USP36: variants seen among roughly 807,000 people sequenced by gnomAD.
USP36 encodes the protein ubiquitin specific peptidase 36, also known as ubiquitin carboxyl-terminal hydrolase 36.
USP36 carries 59 observed loss-of-function variants against 111.5 expected under a neutral mutation model. The observed-to-expected ratio is 0.53, with a 90% CI of 0.43 to 0.66. The LOEUF is 0.66. USP36 is among the 30% of genes least tolerant of loss of function. USP36 has a pLI of 0.00. For synonymous variants in USP36, 628 were observed against 581.0 expected (o/e 1.08, Z -1.16); for missense variants, 1,488 against 1,468.0 (o/e 1.01, Z -0.22).
chr17:78,790,354 G>A (rs909161014), intron 3 of USP36, among the ~76,000 whole-genome samples: 27 of 152,126 alleles, frequency 1.8e-4, no homozygotes, highest in African/African-American at 5.1e-4. Context: ...ACAATGGCGC[G>A]GTCTCAGCTC....
rs757604489 is a variant in USP36 at position 78,798,560 on chromosome 17, A to G, written c.3241-9T>C. ...TTTTTAATTTTCTTTTCCTAGACCA[A>G]GAATCACAGGCATCACAGTTCCCAA... On this transcript the variant is annotated splice_polypyrimidine_tract_variant and intron_variant, in intron 19 of 20. Transcript: ENST00000449938. The surrounding 1 kb of genome is among the most constrained non-coding windows in gnomAD (Gnocchi z 5.1). 22 of 1,612,294 alleles carry G rather than the reference A, an allele frequency of 1.4e-5. No individual in the cohort carries two copies. The highest frequency in any genetic ancestry group is 1.9e-5 in the Non-Finnish European group (22 of 1,179,970).
In USP36 at chr17:78,835,485, A is replaced by G; in HGVS notation, c.270T>C (p.Tyr90=). 1 of 1,604,496 alleles carries G rather than the reference A, an allele frequency of 6.2e-7. No homozygotes were observed. Among genetic ancestry groups the G allele is most frequent in the Non-Finnish European group, 8.5e-7 (1 of 1,174,836 alleles). Residue 90 remains tyrosine, a synonymous_variant, in exon 4 of 21, where the codon TAT becomes TAC. Coordinates refer to ENST00000449938, the MANE Select transcript of USP36 (RefSeq NM_001385174.1). ...CTGGGACTCCGTCACCACAGCTCTCATACGTGTGCTCACTGCCTGAGGAAG... is the reference window on the plus strand; with the variant it reads ...CTGGGACTCCGTCACCACAGCTCTCGTACGTGTGCTCACTGCCTGAGGAAG... The part of the protein sequence containing the change: ...PARRQGSEHT[Y]ESCGDGVPAP...
chr17:78,807,694 C>A, intron 13 of USP36, 58 bp from the exon 14 acceptor site: 2 of 1,478,624 alleles, frequency 1.4e-6, no homozygotes, highest in Non-Finnish European at 1.8e-6. Context: ...AGCTGGGCCA[C>A]ATCTTCTTAA....
In USP36 at chr17:78,799,753, G is replaced by C. The variant is rs2093694070; in HGVS notation, c.3038C>G (p.Pro1013Arg). 1.2e-6 allele frequency: 2 copies of C among 1,608,204 alleles called. No homozygotes were observed. The highest frequency in any genetic ancestry group is 1.3e-5 in the African/African-American group (1 of 74,690). The change falls in exon 18 of 21, where the codon CCT (proline) becomes CGT (arginine). Residue 1013 changes from proline to arginine, a missense_variant. Pro to Arg is a moderately radical substitution (Grantham distance 103). Transcript: ENST00000449938. Reference protein sequence around the residue: ...PGDRMGLSQAPPVSWNGERES... With the variant: ...PGDRMGLSQARPVSWNGERES... ...CCGCTCTCCATTCCAAGACACAGGA[G>C]GGGCCTGGCTCAGCCCTGCAATCGG...
At chr17:78,819,215 C>T (rs1007275856) in intron 9 of USP36, 2 of 174,998 alleles carry the variant, frequency 1.1e-5, no homozygotes, top group South Asian at 2.4e-4. Flanking sequence ...CTGCAGGAAA[C>T]AGACCTAAAG....
chr17:78,828,276 G>GT (rs1382106961), intron 5 of USP36, among the ~76,000 whole-genome samples: 2 of 152,204 alleles, frequency 1.3e-5, no homozygotes, highest in African/African-American at 4.8e-5. Context: ...ACACAGGTGA[G>GT]TAAGTATTTC....
Position 78,835,334 on chromosome 17 carries a change from T to A in USP36, c.421A>T (p.Thr141Ser). The part of the protein sequence containing the change: ...CFLNATIQCL[T>S]YTPPLANYLL... ...TAGTTGGCTAGAGGTGGTGTGTAGG[T>A]CAAGCACTGGATGGTGGCATTGAGA... is the stretch of plus-strand genomic sequence containing the variant. The change falls in exon 4 of 21, where the codon ACC becomes TCC. Residue 141 changes from threonine (T) to serine (S), a missense_variant. Thr to Ser is a moderately conservative substitution (Grantham distance 58). Transcript: ENST00000449938. 6.2e-7 allele frequency: 1 copy of A among 1,614,104 alleles called. No homozygotes were observed. The highest frequency in any genetic ancestry group is 8.5e-7 in the Non-Finnish European group (1 of 1,180,012).
chr17:78,801,189 G>C (rs1229468401), intron 17 of USP36, among the ~76,000 whole-genome samples: 1 of 151,966 alleles, frequency 6.6e-6, no homozygotes, highest in East Asian at 1.9e-4. Flanking sequence ...TGTCAGCCAG[G>C]ATGGTCTCGA....
rs995961402 is a variant in USP36 at position 78,835,559 on chromosome 17, G to A, written c.254-58C>T. The stretch of plus-strand genomic sequence containing the variant: ...GAAGACGTAAGTCCACACACAGGTC[G>A]TCCACAAAAAGAAACTCCTGAAGCA... On this transcript the variant is annotated intron_variant, in intron 3 of 20. Coordinates refer to ENST00000449938, the MANE Select transcript of USP36 (RefSeq NM_001385174.1). The A allele has an allele frequency of 7.5e-5, 114 of 1,520,900 alleles. No individual in the cohort carries two copies. The African/African-American group carries it at 1.3e-3, about 18-fold the overall frequency. The allele number at this position is 1,520,900 out of a possible 1,614,324, so 94.2% of individuals were successfully genotyped here.
upstream of USP36, chr17:78,841,071 G>A (rs1250061849): frequency 2.0e-5 from 3 of 152,240 alleles, no homozygotes; most frequent in Non-Finnish European, 4.4e-5. Context: ...GCAGGGTGAC[G>A]TCTCCGCAGC....
downstream of USP36, among the ~76,000 whole-genome samples, chr17:78,793,442 T>G (rs901697830): frequency 6.6e-6 from 1 of 152,138 alleles, no homozygotes. Context: ...GGCACCCAGA[T>G]GATCTTCTCC....
downstream of USP36, among the ~76,000 whole-genome samples, chr17:78,791,296 G>A (rs769806882): frequency 9.2e-5 from 14 of 152,076 alleles, no homozygotes; most frequent in East Asian, 1.9e-4. Context: ...CACCATGCCC[G>A]GCTGATTTTG....
At chr17:78,789,082 A>G (rs1032102088) in intron 3 of USP36, among the ~76,000 whole-genome samples, 1 of 151,898 alleles carries the variant, frequency 6.6e-6, no homozygotes, top group South Asian at 2.1e-4. Context: ...CTGTAGTCCC[A>G]GCAACTTGGG....
rs1261897225 is a variant in USP36 at position 78,796,166 on chromosome 17, GGAGGA to G, written c.*1729_*1733del. Reference sequence around the variant, plus strand: ...AGTGGAGAAGGGAAGAGACTGATTTGGAGGAGAGAAGGGAGAGAAAGGAACGAGAT... The same window carrying G: ...AGTGGAGAAGGGAAGAGACTGATTTGGAGAAGGGAGAGAAAGGAACGAGAT... On this transcript the variant is annotated 3_prime_UTR_variant, in exon 21 of 21. Coordinates refer to ENST00000449938, the MANE Select transcript of USP36 (RefSeq NM_001385174.1). 5.9e-5 allele frequency: 9 copies of G among 152,286 alleles called. No individual in the cohort carries two copies. Among genetic ancestry groups the G allele is most frequent in the African/African-American group, 2.2e-4 (9 of 41,532 alleles). 9.4% of individuals were successfully genotyped at this position (152,286 alleles called of 1,614,324 possible).
rs75784291 is a variant in USP36 at position 78,827,978 on chromosome 17, C to T, written c.587-631G>A. On this transcript the variant is annotated intron_variant, in intron 5 of 20. Transcript: ENST00000449938. ...ATGGCTTATGCCTGTAATCCCAACA[C>T]TTTGGAAGGCCAAGGCAGGAGGATC... Among the ~76,000 whole-genome samples, 5 of 152,284 alleles carry T rather than the reference C, an allele frequency of 3.3e-5. No homozygotes were observed. The East Asian group carries it at 9.7e-4, about 29-fold the overall frequency.
intron 3 of USP36, among the ~76,000 whole-genome samples, chr17:78,789,875 G>A (rs773543413): frequency 2.0e-5 from 3 of 152,218 alleles, no homozygotes; most frequent in Non-Finnish European, 4.4e-5. Flanking sequence ...GCAATGTGAA[G>A]GGGAATTAGT....
Position 78,807,149 on chromosome 17 carries a change from C to T in USP36, c.1895G>A (p.Ser632Asn). The T allele has an allele frequency of 6.2e-7, 1 of 1,614,248 alleles. No individual in the cohort carries two copies. The highest frequency in any genetic ancestry group is 8.5e-7 in the Non-Finnish European group (1 of 1,180,042). ...DSTKAPQTPR[S>N]GAAHLCDSQE... ...AGAATCGCAGAGATGGGCCGCTCCA[C>T]TCCTGGGGGTCTGGGGGGCCTTGGT... is the stretch of plus-strand genomic sequence containing the variant. Residue 632 changes from serine (S) to asparagine (N), a missense_variant, in exon 14 of 21, where the codon AGT becomes AAT. Ser to Asn is a conservative substitution (Grantham distance 46). Coordinates refer to ENST00000449938, the MANE Select transcript of USP36 (RefSeq NM_001385174.1).
rs566664752 is a variant in USP36 at position 78,787,871 on chromosome 17, C to T, written c.*21-213G>A. 3.3e-5 allele frequency among the ~76,000 whole-genome samples: 5 copies of T among 152,242 alleles called. No homozygotes were observed. In the South Asian group the frequency reaches 1.0e-3, roughly 32 times the overall value. ...GGACCTAATCAAACAGGACTTGTGT[C>T]CTTACAAAAAGAGGGAGATTTGGAC... On this transcript the variant is annotated intron_variant, in intron 3 of 3. Transcript: ENST00000588130.
intron 6 of USP36, chr17:78,826,926 G>GC: frequency 1.7e-6 from 1 of 595,820 alleles, no homozygotes; most frequent in South Asian, 2.0e-5. Context: ...AGAACTGAAT[G>GC]CCCCTAAGAA....
Sources: allele counts gnomAD v4.1 joint callset (sites outside exome capture counted in the v4.1 genomes callset), GRCh38; gene constraint gnomAD v4.1.1; non-coding constraint Gnocchi (gnomAD v3.1); transcripts MANE v1.5; gene names NCBI Gene and HGNC (gene_info 2026-07-23, HGNC 2026-07-21).